The following NCR1 variants were observed in gnomAD, a reference collection of about 807,000 sequenced individuals.
NCR1 encodes the protein NK cell-activating receptor.
A neutral mutation model predicts 32.5 loss-of-function variants in NCR1; 30 were observed. The ratio of observed to expected loss-of-function variants is 0.92; its 90% CI spans 0.69 to 1.25. The LOEUF (loss-of-function observed/expected upper bound fraction) is 1.25. NCR1 is among the 50% of genes most tolerant of loss of function. NCR1 has a pLI of 0.00. For synonymous variants in NCR1, 169 were observed against 143.4 expected, an observed-to-expected ratio of 1.18 and a Z score of -1.28; for missense variants, 369 against 380.7, an observed-to-expected ratio of 0.97 and a Z score of 0.26.
the NCR1 span, chr19:54,923,560 C>G: frequency 7.5e-3 from 5,356 of 710,168 alleles, 167 homozygotes; most frequent in African/African-American, 0.078. Context: ...TACATAGCGT[C>G]ATGTGAAGGG....
At chr19:54,924,664 G>A in the NCR1 span, among the ~76,000 whole-genome samples, 4 of 152,168 alleles carry the variant, frequency 2.6e-5, no homozygotes, top group East Asian at 3.9e-4. Flanking sequence ...GCTGGTGCAC[G>A]GTGACTCACG....
the NCR1 span, among the ~76,000 whole-genome samples, chr19:54,929,130 A>G: frequency 1.3e-5 from 2 of 152,186 alleles, no homozygotes; most frequent in East Asian, 3.9e-4. Context: ...GCACTTTGGG[A>G]GGTTGAGGCA....
chr19:54,934,717 T>A, the NCR1 span: 1 of 602,748 alleles, frequency 1.7e-6, no homozygotes, highest in Admixed American at 4.5e-5. This position sits in a 1 kb window ranked among gnomAD's most constrained non-coding sequence, Gnocchi z 6.7. Flanking sequence ...CCCTATCAGC[T>A]TTTTTTTTTT....
chr19:54,930,601 C>A, the NCR1 span: 1 of 1,612,154 alleles, frequency 6.2e-7, no homozygotes, highest in South Asian at 1.1e-5. Flanking sequence ...TGTGAGGCTG[C>A]AGGCTTCTTG....
At chr19:54,929,430 G>C in the NCR1 span, among the ~76,000 whole-genome samples, 1 of 152,166 alleles carries the variant, frequency 6.6e-6, no homozygotes, top group African/African-American at 2.4e-5. Flanking sequence ...AAGCTAAGTA[G>C]TAATGACGTG....
chr19:54,930,798 C>A, the NCR1 span: 1 of 764,004 alleles, frequency 1.3e-6, no homozygotes, highest in Non-Finnish European at 2.3e-6. Flanking sequence ...TCACTGCAAC[C>A]TCTGCCTCCC....
the NCR1 span, chr19:54,938,033 C>T: frequency 6.2e-7 from 1 of 1,607,662 alleles, no homozygotes; most frequent in Non-Finnish European, 8.5e-7. Context: ...GCAAGATGAG[C>T]TTCTACTTAC....
chr19:54,909,557 C>T (rs201869755), intron 4 of NCR1, 34 bp downstream of exon 4: 46 of 1,582,270 alleles, frequency 2.9e-5, no homozygotes, highest in Non-Finnish European at 3.6e-5. Context: ...CACCCTTCGC[C>T]GCCATGTGCT....
At chr19:54,936,342 C>T in the NCR1 span, 2 of 1,614,018 alleles carry the variant, frequency 1.2e-6, no homozygotes, top group African/African-American at 2.7e-5. Flanking sequence ...CTCGATGTGC[C>T]CTGCCAGGGT....
In NCR1 at chr19:54,909,387, C is replaced by A. The variant is rs587711577; in HGVS notation, c.498C>A (p.Arg166=). 2 of 1,614,008 alleles carry A rather than the reference C, an allele frequency of 1.2e-6. No homozygotes were observed. The highest frequency in any genetic ancestry group is 1.3e-5 in the African/African-American group (1 of 75,028). Residue 166 remains arginine (R), a synonymous_variant, in exon 4 of 7, where the codon CGC becomes CGA. Transcript: ENST00000291890. ...AGGGAAGATCCAGCCACGTACAGCG[C>A]GGATACGGGAAGGTCCAGGCGGAGT... ...LKEGRSSHVQ[R]GYGKVQAEFP...
chr19:54,906,037 G>A, upstream of NCR1: 1 of 881,014 alleles, frequency 1.1e-6, no homozygotes, highest in East Asian at 2.6e-5. Flanking sequence ...AGAGGCGGAG[G>A]GGAGTTGTGA....
At chr19:54,915,516 G>T (rs1438848288), downstream of NCR1, among the ~76,000 whole-genome samples, 1 of 152,144 alleles carries the variant, frequency 6.6e-6, no homozygotes, top group Non-Finnish European at 1.5e-5. Context: ...GCCAGGCGCA[G>T]TGGCTTGCAC....
At chr19:54,936,173 T>TG in the NCR1 span, 7 of 1,179,958 alleles carry the variant, frequency 5.9e-6, no homozygotes, top group African/African-American at 1.5e-5. Context: ...GGACGGCATC[T>TG]GGAGTGGTTA....
At chr19:54,898,935 G>T in the NCR1 span, among the ~76,000 whole-genome samples, 1 of 152,076 alleles carries the variant, frequency 6.6e-6, no homozygotes, top group African/African-American at 2.4e-5. Flanking sequence ...GTGGAGGAGC[G>T]GAGGCTGAGG....
chr19:54,925,517 A>T, the NCR1 span, among the ~76,000 whole-genome samples: 5 of 152,086 alleles, frequency 3.3e-5, no homozygotes, highest in Non-Finnish European at 7.3e-5. Flanking sequence ...CTTGAATAAG[A>T]CAAGTGGGCT....
the NCR1 span, among the ~76,000 whole-genome samples, chr19:54,932,376 CAAGATT>C: frequency 1.3e-5 from 2 of 149,552 alleles, no homozygotes; most frequent in Admixed American, 1.3e-4. Flanking sequence ...TGCAGTCAGC[CAAGATT>C]ACACCACTGC....
At chr19:54,922,923 G>A in the NCR1 span, among the ~76,000 whole-genome samples, 2 of 151,588 alleles carry the variant, frequency 1.3e-5, no homozygotes, top group African/African-American at 2.4e-5. Flanking sequence ...GAGACAGAGA[G>A]ACAAAAAGAC....
the NCR1 span, among the ~76,000 whole-genome samples, chr19:54,932,686 CACTCT>C: frequency 7.2e-5 from 11 of 151,976 alleles, no homozygotes. Flanking sequence ...GACGGAGTCT[CACTCT>C]GTCGCCCGGG....
At chr19:54,921,790 A>G in the NCR1 span, among the ~76,000 whole-genome samples, 4 of 151,466 alleles carry the variant, frequency 2.6e-5, no homozygotes, top group East Asian at 1.9e-4. Flanking sequence ...AAAAAAAAAA[A>G]AAAAAGAAAA....
Sources: gnomAD v4.1 joint callset for allele counts (sites outside exome capture counted in the v4.1 genomes callset) on GRCh38, gnomAD v4.1.1 for gene constraint, Gnocchi (gnomAD v3.1) non-coding constraint, MANE v1.5 for transcripts, NCBI Gene and HGNC (gene_info 2026-07-23, HGNC 2026-07-21) for gene names.